Variants in MCTP2 observed in about 807,000 individuals in gnomAD.
The protein encoded by MCTP2 is multiple C2 and transmembrane domain-containing protein 2.
A neutral mutation model predicts 111.6 loss-of-function variants in MCTP2; 132 were observed. The observed-to-expected ratio is 1.18, with a 90% CI of 1.03 to 1.37. The LOEUF is 1.37. Among genes scored for constraint, MCTP2 ranks in the 40% most tolerant of loss-of-function variants. The pLI is 0.00. For missense variants in MCTP2, 1,183 were observed against 1,067.9 expected (o/e 1.11, Z -1.50); for synonymous variants, 395 against 387.7 (o/e 1.02, Z -0.22).
At chr15:94,337,973 C>T (rs2077448774) in intron 4 of MCTP2, among the ~76,000 whole-genome samples, 1 of 151,934 alleles carries the variant, frequency 6.6e-6, no homozygotes, top group African/African-American at 2.4e-5. Flanking sequence ...ATTCCATTTT[C>T]AGTAATTTTT....
At chr15:94,392,288 C>A (rs1469437671) in intron 14 of MCTP2, among the ~76,000 whole-genome samples, 1 of 151,746 alleles carries the variant, frequency 6.6e-6, no homozygotes, top group East Asian at 1.9e-4. Context: ...AGGAGAATGG[C>A]GTGAACCCGG....
At chr15:94,400,499 C>G (rs778149682) in intron 16 of MCTP2, among the ~76,000 whole-genome samples, 1 of 152,086 alleles carries the variant, frequency 6.6e-6, no homozygotes, top group Admixed American at 6.6e-5. Context: ...GCATTTCACC[C>G]CATACTGAAT....
chr15:94,311,955 T>C lies in MCTP2; in HGVS notation c.466-2327T>C, dbSNP rs144753318. Among the ~76,000 whole-genome samples the C allele has an allele frequency of 1.8e-3, 278 of 152,320 alleles. 1 individual carries two copies. The highest frequency in any genetic ancestry group is 6.3e-3 in the African/African-American group (262 of 41,572). ...CTCTGTCCACTCCTCCATTTGAAAG[T>C]AGAAGATACAAGACCATCATTATCC... On this transcript the variant is annotated intron_variant, in intron 2 of 22. Coordinates refer to ENST00000357742, the MANE Select transcript of MCTP2 (RefSeq NM_001385001.1).
intron 10 of MCTP2, among the ~76,000 whole-genome samples, chr15:94,360,087 TC>T (rs954260524): frequency 2.6e-5 from 4 of 152,148 alleles, no homozygotes; most frequent in Admixed American, 1.3e-4. Flanking sequence ...TCCCTTTTTT[TC>T]ATCACACGTG....
rs1045235346 is a variant in MCTP2, at chr15:94,475,007, C to T, written c.2471-1689C>T. On this transcript the variant is annotated intron_variant, in intron 21 of 22. Transcript: ENST00000357742. ...CAGCTGTGATATTATCCCTGCCTTGCCGTTCATTGTGAAGACTCCAGATGC... is the reference window on the plus strand; with the variant it reads ...CAGCTGTGATATTATCCCTGCCTTGTCGTTCATTGTGAAGACTCCAGATGC... Among the ~76,000 whole-genome samples the T allele has an allele frequency of 2.0e-5, 3 of 152,034 alleles. No homozygotes were observed. The South Asian group carries it at 6.2e-4, about 32-fold the overall frequency.
intron 1 of MCTP2, among the ~76,000 whole-genome samples, chr15:94,287,995 C>T (rs1169963801): frequency 6.6e-6 from 1 of 152,158 alleles, no homozygotes; most frequent in Non-Finnish European, 1.5e-5. Flanking sequence ...CCCCGGCTCC[C>T]CAACAGTCTT....
intron 12 of MCTP2, among the ~76,000 whole-genome samples, chr15:94,372,185 G>A (rs2079525794): frequency 2.6e-5 from 4 of 152,216 alleles, no homozygotes; most frequent in African/African-American, 9.6e-5. Context: ...AAATAATGCT[G>A]TGTGGTTCGA....
intron 1 of MCTP2, 47 bp from the exon 2 acceptor site, chr15:94,298,154 T>C: frequency 1.2e-6 from 1 of 838,574 alleles, no homozygotes; most frequent in Non-Finnish European, 1.8e-6. Context: ...GGTTCATGTT[T>C]TTTTTTTTTG....
chr15:94,234,120 A>G (rs1321492900), intron 1 of MCTP2, among the ~76,000 whole-genome samples: 1 of 152,008 alleles, frequency 6.6e-6, no homozygotes, highest in African/African-American at 2.4e-5. Context: ...TCCTTCCTAG[A>G]AGGTGTTTAT....
At chr15:94,400,222 G>A (rs1459628319) in intron 16 of MCTP2, among the ~76,000 whole-genome samples, 2 of 151,994 alleles carry the variant, frequency 1.3e-5, no homozygotes, top group Admixed American at 6.6e-5. Context: ...ATAATTCTTG[G>A]GTGAAACAGA....
At chr15:94,235,278 G>A (rs1297421620) in intron 1 of MCTP2, among the ~76,000 whole-genome samples, 1 of 151,866 alleles carries the variant, frequency 6.6e-6, no homozygotes, top group East Asian at 1.9e-4. Flanking sequence ...AATCCCTGGT[G>A]GTTTAGACTC....
In MCTP2 at chr15:94,312,406, G is replaced by C. The variant is rs575354224; in HGVS notation, c.466-1876G>C. ...ACATGCAGGAGATACCAAGAACTAA[G>C]GGAGAGGTTGTTTGGCAAAGGACCT... is the stretch of plus-strand genomic sequence containing the variant. On this transcript the variant is annotated intron_variant, in intron 2 of 22. Transcript: ENST00000357742. 2.6e-5 allele frequency among the ~76,000 whole-genome samples: 4 copies of C among 152,330 alleles called. No individual in the cohort carries two copies. In the East Asian group the frequency reaches 7.7e-4, roughly 29 times the overall value.
chr15:94,455,537 A>C (rs570464023), intron 19 of MCTP2, among the ~76,000 whole-genome samples: 2 of 152,108 alleles, frequency 1.3e-5, no homozygotes, highest in South Asian at 4.2e-4. Context: ...TCCCTGGTTC[A>C]AGTGATTATC....
chr15:94,324,418 C>G (rs191378602), intron 4 of MCTP2, among the ~76,000 whole-genome samples: 2 of 152,320 alleles, frequency 1.3e-5, no homozygotes, highest in East Asian at 3.9e-4. Flanking sequence ...CTTGTGGCCA[C>G]TCTGTAGCGT....
chr15:94,300,903 T>C (rs989462124), intron 2 of MCTP2, among the ~76,000 whole-genome samples: 5 of 152,094 alleles, frequency 3.3e-5, no homozygotes, highest in African/African-American at 1.2e-4. Context: ...TTGCTCTACC[T>C]GGATTGGAGG....
chr15:94,417,125 G>T (rs1008130965), intron 17 of MCTP2, among the ~76,000 whole-genome samples: 1 of 152,028 alleles, frequency 6.6e-6, no homozygotes, highest in African/African-American at 2.4e-5. Context: ...CCTAATTTGG[G>T]TCTACACATA....
chr15:94,433,501 G>A (rs2083300180), intron 17 of MCTP2, among the ~76,000 whole-genome samples: 1 of 152,120 alleles, frequency 6.6e-6, no homozygotes, highest in African/African-American at 2.4e-5. Flanking sequence ...GTTCTACTGT[G>A]TGGATATATT....
chr15:94,333,861 C>A (rs894867498), intron 4 of MCTP2, among the ~76,000 whole-genome samples: 2 of 152,162 alleles, frequency 1.3e-5, no homozygotes, highest in African/African-American at 4.8e-5. Flanking sequence ...CTTTCTAGGA[C>A]AGCTCAGATT....
intron 19 of MCTP2, among the ~76,000 whole-genome samples, chr15:94,444,011 A>C (rs2083975221): frequency 7.0e-6 from 1 of 142,414 alleles, no homozygotes; most frequent in South Asian, 2.2e-4. Flanking sequence ...AAAAAACAGA[A>C]GTATTAGTGA....
Sources: allele counts gnomAD v4.1 joint callset (sites outside exome capture counted in the v4.1 genomes callset), GRCh38; gene constraint gnomAD v4.1.1; transcripts MANE v1.5; gene names NCBI Gene and HGNC (gene_info 2026-07-23, HGNC 2026-07-21).